MARK3: variants seen among roughly 807,000 people sequenced by gnomAD.
The protein encoded by MARK3 is MAP/microtubule affinity-regulating kinase 3.
In MARK3, 46 loss-of-function variants were observed where a neutral mutation model predicts 90.1. The ratio of observed to expected loss-of-function variants is 0.51; its 90% confidence interval spans 0.40 to 0.65. The LOEUF (loss-of-function observed/expected upper bound fraction) is 0.65, where lower values mean the gene tolerates loss of function less well. Ranked by LOEUF, MARK3 falls within the 30% of genes least tolerant of loss-of-function variation. MARK3 has a pLI of 0.00. For missense variants in MARK3, 818 were observed against 947.2 expected (o/e 0.86, Z 1.79); for synonymous variants, 321 against 332.6 (o/e 0.97, Z 0.38).
At chr14:103,410,520 G>A (rs866794383) in intron 2 of MARK3, among the ~76,000 whole-genome samples, 2 of 152,030 alleles carry the variant, frequency 1.3e-5, no homozygotes, top group Non-Finnish European at 2.9e-5. Context: ...ATATATTTTT[G>A]TCATTCATAA....
At chr14:103,408,418 A>G (rs548697418) in intron 2 of MARK3, among the ~76,000 whole-genome samples, 159 of 152,220 alleles carry the variant, frequency 1.0e-3, no homozygotes, top group African/African-American at 3.7e-3. Context: ...CGAACTCCTG[A>G]TGTCAGGTGA....
chr14:103,492,984 A>G (rs568295937), intron 15 of MARK3, among the ~76,000 whole-genome samples: 1 of 152,328 alleles, frequency 6.6e-6, no homozygotes, highest in African/African-American at 2.4e-5. Context: ...AGGTTTGCCT[A>G]GGACGGACCC....
chr14:103,492,548 A>C (rs1337922531), intron 15 of MARK3, among the ~76,000 whole-genome samples: 5 of 152,230 alleles, frequency 3.3e-5, no homozygotes, highest in African/African-American at 9.6e-5. Context: ...TATTGAGAGC[A>C]AGGTAATGTC....
At chr14:103,487,617 G>T (rs961708146) in intron 14 of MARK3, among the ~76,000 whole-genome samples, 1 of 152,002 alleles carries the variant, frequency 6.6e-6, no homozygotes, top group Non-Finnish European at 1.5e-5. Flanking sequence ...TGCTTTTCTT[G>T]GCACATCTAC....
At chr14:103,449,614 C>A (rs559329858) in intron 4 of MARK3, among the ~76,000 whole-genome samples, 43 of 152,240 alleles carry the variant, frequency 2.8e-4, no homozygotes, top group Middle Eastern at 3.4e-3. Flanking sequence ...GTGCACAACT[C>A]TGTGCTGGGT....
chr14:103,468,315 T>TTA (rs34295660), intron 12 of MARK3, 129 bp downstream of exon 12: 17 of 54,342 alleles, frequency 3.1e-4, no homozygotes, highest in Admixed American at 7.1e-4. Context: ...TTCTTTCTTC[T>TTA]TTTTTTTTTT....
chr14:103,459,683 T>TG (rs1157334016), intron 6 of MARK3, among the ~76,000 whole-genome samples: 67 of 151,264 alleles, frequency 4.4e-4, no homozygotes, highest in African/African-American at 1.1e-3. Flanking sequence ...ATTTTTTTTT[T>TG]TGTAATTTTA....
intron 14 of MARK3, among the ~76,000 whole-genome samples, chr14:103,481,392 G>T (rs934847361): frequency 1.3e-5 from 2 of 152,098 alleles, no homozygotes; most frequent in African/African-American, 4.8e-5. Context: ...GTGAGGTTCT[G>T]TTTCTTAATC....
intron 1 of MARK3, among the ~76,000 whole-genome samples, chr14:103,390,591 A>G (rs943072686): frequency 2.2e-4 from 33 of 152,228 alleles, no homozygotes; most frequent in Non-Finnish European, 2.9e-5. Flanking sequence ...GCTTTAAAAA[A>G]ACTGCAAAAA....
At chr14:103,404,804 G>C (rs1267170791) in intron 1 of MARK3, among the ~76,000 whole-genome samples, 2 of 152,134 alleles carry the variant, frequency 1.3e-5, no homozygotes, top group African/African-American at 4.8e-5. Flanking sequence ...CCAGAAGGTA[G>C]CCCTTTTACT....
intron 1 of MARK3, among the ~76,000 whole-genome samples, chr14:103,400,740 T>G (rs1024281202): frequency 6.6e-6 from 1 of 151,452 alleles, no homozygotes; most frequent in East Asian, 1.9e-4. Context: ...TACAAAAAAT[T>G]AAAACATCAG....
Position 103,455,651 on chromosome 14 carries a change from G to A in MARK3, c.413-1491G>A, listed in dbSNP as rs1364961287. ...GCTGAGGCACGAGAATTGCTTGAAC[G>A]TTGGAGGCAGAGGTTGCAGTGAGCC... is the stretch of plus-strand genomic sequence containing the variant. On this transcript the variant is annotated intron_variant, in intron 5 of 17. Transcript: ENST00000429436. 6.7e-5 allele frequency among the ~76,000 whole-genome samples: 10 copies of A among 149,074 alleles called. No homozygotes were observed. The Admixed American group carries it at 6.8e-4, about 10-fold the overall frequency.
At chr14:103,484,128 G>A (rs1000058050) in intron 14 of MARK3, among the ~76,000 whole-genome samples, 19 of 150,862 alleles carry the variant, frequency 1.3e-4, no homozygotes, top group Non-Finnish European at 1.9e-4. Context: ...GAGAAGTGAC[G>A]TGCTGGTGTT....
chr14:103,404,412 T>C (rs1232649185), intron 1 of MARK3, among the ~76,000 whole-genome samples: 1 of 152,202 alleles, frequency 6.6e-6, no homozygotes, highest in Non-Finnish European at 1.5e-5. Context: ...GCAGGATGCC[T>C]GCGCATACAG....
intron 14 of MARK3, among the ~76,000 whole-genome samples, chr14:103,485,819 G>A (rs1489201956): frequency 6.6e-6 from 1 of 151,914 alleles, no homozygotes; most frequent in Non-Finnish European, 1.5e-5. Context: ...GATCACTTGA[G>A]GCCAAGAGTT....
intron 11 of MARK3, chr14:103,467,404 C>T: frequency 3.1e-6 from 1 of 321,600 alleles, no homozygotes. Context: ...GTGGCTCATG[C>T]CTGTAATCCC....
chr14:103,500,971 A>G (rs1222440116), intron 17 of MARK3, among the ~76,000 whole-genome samples: 2 of 152,136 alleles, frequency 1.3e-5, no homozygotes, highest in African/African-American at 2.4e-5. Context: ...GAGGGGAGGC[A>G]ATCACCAGGT....
At chr14:103,448,824 AAG>A (rs2093057919) in intron 3 of MARK3, 93 bp from the exon 4 acceptor site, 11 of 1,248,562 alleles carry the variant, frequency 8.8e-6, no homozygotes, top group Middle Eastern at 2.4e-4. Context: ...TCTGTTATCT[AAG>A]AGAAAAATTT....
At chr14:103,405,944 G>A (rs2091264641) in intron 2 of MARK3, among the ~76,000 whole-genome samples, 1 of 151,828 alleles carries the variant, frequency 6.6e-6, no homozygotes, top group Non-Finnish European at 1.5e-5. Flanking sequence ...GAGCTGGAGT[G>A]CAGTGGCTCA....
Sources: allele counts gnomAD v4.1 joint callset (sites outside exome capture counted in the v4.1 genomes callset), GRCh38; gene constraint gnomAD v4.1.1; transcripts MANE v1.5; gene names NCBI Gene and HGNC (gene_info 2026-07-23, HGNC 2026-07-21).